ANKS1A: variants seen among roughly 807,000 people sequenced by gnomAD.
ANKS1A encodes ankyrin repeat and sterile alpha motif domain containing 1A, also known as ankyrin repeat and SAM domain-containing protein 1A.
ANKS1A carries 55 observed loss-of-function variants against 120.3 expected under a neutral mutation model. That is an observed-to-expected ratio of 0.46 (90% confidence interval 0.37 to 0.57). The LOEUF is 0.57. ANKS1A is among the 20% of genes least tolerant of loss of function. ANKS1A has a pLI of 0.00. For synonymous variants in ANKS1A, 590 were observed against 604.7 expected, an observed-to-expected ratio of 0.98 and a Z score of 0.36; for missense variants, 1,123 against 1,480.3, an observed-to-expected ratio of 0.76 and a Z score of 3.96.
At chr6:35,087,714 C>G (rs1778070029) in intron 23 of ANKS1A, among the ~76,000 whole-genome samples, 1 of 152,260 alleles carries the variant, frequency 6.6e-6, no homozygotes, top group African/African-American at 2.4e-5. Context: ...AGACTGCTTT[C>G]TGTGAGGGCC....
chr6:34,912,135 G>A (rs1429380480), intron 1 of ANKS1A, among the ~76,000 whole-genome samples: 1 of 152,226 alleles, frequency 6.6e-6, no homozygotes, highest in Non-Finnish European at 1.5e-5. Context: ...CTGACACCTT[G>A]AATGATTTGC....
Position 35,088,763 on chromosome 6 carries a change from A to G in ANKS1A, c.*154A>G. On this transcript the variant is annotated 3_prime_UTR_variant, in exon 24 of 24. Transcript: ENST00000360359. ...CTTGGCCACTTGGCCTGGGCCTGCC[A>G]CCACCACGTCCTGCAGAACGAGCCC... The G allele has an allele frequency of 1.3e-6, 2 of 1,565,820 alleles. No individual in the cohort carries two copies. The highest frequency in any genetic ancestry group is 2.3e-5 in the South Asian group (2 of 87,034).
At chr6:35,063,273 C>T (rs143935738) in intron 13 of ANKS1A, among the ~76,000 whole-genome samples, 1 of 152,346 alleles carries the variant, frequency 6.6e-6, no homozygotes, top group African/African-American at 2.4e-5. Flanking sequence ...ATTTTCACCA[C>T]AAATCTTATC....
chr6:34,940,347 A>G (rs1769462770), intron 1 of ANKS1A, among the ~76,000 whole-genome samples: 1 of 152,220 alleles, frequency 6.6e-6, no homozygotes. Flanking sequence ...TGAAAAATGT[A>G]CTTAACCAAT....
At chr6:34,919,510 C>T (rs1768330391) in intron 1 of ANKS1A, among the ~76,000 whole-genome samples, 2 of 152,288 alleles carry the variant, frequency 1.3e-5, no homozygotes, top group Admixed American at 6.5e-5. Flanking sequence ...TGCATCTAGA[C>T]CTCTACACAT....
chr6:35,087,735 G>A (rs1203064387), intron 23 of ANKS1A, among the ~76,000 whole-genome samples: 2 of 152,346 alleles, frequency 1.3e-5, no homozygotes, highest in South Asian at 4.1e-4. Context: ...CAAGATATGC[G>A]CCAGGCCCTT....
At chr6:35,033,351 G>A (rs1291510284) in intron 11 of ANKS1A, among the ~76,000 whole-genome samples, 1 of 152,200 alleles carries the variant, frequency 6.6e-6, no homozygotes, top group Non-Finnish European at 1.5e-5. Flanking sequence ...TGTGCTTACA[G>A]CCATTACGGG....
chr6:35,008,076 A>G (rs941850763), intron 10 of ANKS1A, among the ~76,000 whole-genome samples: 1 of 152,242 alleles, frequency 6.6e-6, no homozygotes, highest in African/African-American at 2.4e-5. Flanking sequence ...TGTTCGATCT[A>G]TCATCTTTAC....
chr6:35,066,104 C>T (rs955202047), intron 13 of ANKS1A, among the ~76,000 whole-genome samples: 5 of 152,286 alleles, frequency 3.3e-5, no homozygotes, highest in South Asian at 2.1e-4. Context: ...CCCTGTTCGT[C>T]GTCTGTCACG....
At chr6:35,042,288 A>G (rs1197340956) in intron 11 of ANKS1A, among the ~76,000 whole-genome samples, 2 of 152,210 alleles carry the variant, frequency 1.3e-5, no homozygotes, top group Non-Finnish European at 2.9e-5. Flanking sequence ...GAGGAATTTC[A>G]GGTGGGAAGA....
chr6:35,047,207 A>G (rs770053610), intron 11 of ANKS1A, among the ~76,000 whole-genome samples: 1 of 152,098 alleles, frequency 6.6e-6, no homozygotes, highest in Non-Finnish European at 1.5e-5. Flanking sequence ...GTATTTTTAA[A>G]CCTTAAGTAT....
chr6:34,944,730 A>G (rs1769701486), intron 1 of ANKS1A, among the ~76,000 whole-genome samples: 1 of 152,172 alleles, frequency 6.6e-6, no homozygotes, highest in Non-Finnish European at 1.5e-5. Flanking sequence ...TCCATCTGCA[A>G]ATACGGTTTC....
At chr6:35,023,623 GA>G in intron 11 of ANKS1A, 2 of 485,698 alleles carry the variant, frequency 4.1e-6, no homozygotes, top group South Asian at 1.6e-5. Flanking sequence ...ATGCCTCCAG[GA>G]AAATCTCAGG....
rs776443079 is a variant in ANKS1A at position 34,889,525 on chromosome 6, GGGCGGCGGCGGCGGCAGCGGCGGC to G, written c.136_159del (p.Gly46_Gly53del). On this transcript the variant is annotated inframe_deletion, in exon 1 of 24. Coordinates refer to ENST00000360359, the MANE Select transcript of ANKS1A (RefSeq NM_015245.3). The surrounding 1 kb of genome is among the most constrained non-coding windows in gnomAD (Gnocchi z 5.5). Reference sequence around the variant, plus strand: ...GGGGCGGCGGCGGCGGTGGCTCTGGGGGCGGCGGCGGCGGCAGCGGCGGCGGCGGCGGCGGCCTCGGCTCTTCCA... The same window carrying G: ...GGGGCGGCGGCGGCGGTGGCTCTGGGGGCGGCGGCGGCCTCGGCTCTTCCA... The G allele has an allele frequency of 1.2e-5, 15 of 1,272,164 alleles. No homozygotes were observed. The African/African-American group carries it at 1.2e-4, about 11-fold the overall frequency. 78.8% of individuals were successfully genotyped at this position (1,272,164 alleles called of 1,614,324 possible).
At chr6:34,976,548 C>T (rs1771596892) in intron 3 of ANKS1A, among the ~76,000 whole-genome samples, 1 of 151,976 alleles carries the variant, frequency 6.6e-6, no homozygotes, top group Non-Finnish European at 1.5e-5. Context: ...ATTTCACAGT[C>T]TTAGAACTGA....
chr6:35,007,549 A>T (rs1329225825), intron 10 of ANKS1A, among the ~76,000 whole-genome samples: 1 of 152,196 alleles, frequency 6.6e-6, no homozygotes, highest in African/African-American at 2.4e-5. Flanking sequence ...TGTTCTGGAC[A>T]TATTACCACT....
intron 1 of ANKS1A, among the ~76,000 whole-genome samples, chr6:34,957,133 T>C (rs1479176404): frequency 6.6e-6 from 1 of 152,228 alleles, no homozygotes; most frequent in East Asian, 1.9e-4. Flanking sequence ...AGTTATCTTC[T>C]CCTGTTCCTT....
At chr6:35,083,769 G>A (rs1777813101) in intron 20 of ANKS1A, among the ~76,000 whole-genome samples, 1 of 152,142 alleles carries the variant, frequency 6.6e-6, no homozygotes, top group African/African-American at 2.4e-5. Context: ...CTGCTCACAG[G>A]TGTGATTCCC....
rs1289356574 is a variant in ANKS1A at position 35,050,623 on chromosome 6, T to C, written c.2011-3476T>C. On this transcript the variant is annotated intron_variant, in intron 11 of 23. Transcript: ENST00000360359. The surrounding 1 kb of genome is among the most constrained non-coding windows in gnomAD (Gnocchi z 4.3). The stretch of plus-strand genomic sequence containing the variant: ...TGTAGATTGAAATGATCTTATTTCC[T>C]CTCTGCTGGTTCTGGGCATGAGGGT... Among the ~76,000 whole-genome samples the C allele has an allele frequency of 3.3e-5, 5 of 150,840 alleles. No individual in the cohort carries two copies. The highest frequency in any genetic ancestry group is 5.9e-5 in the Non-Finnish European group (4 of 67,590).
Sources: gnomAD v4.1 joint callset for allele counts (sites outside exome capture counted in the v4.1 genomes callset) on GRCh38, gnomAD v4.1.1 for gene constraint, Gnocchi (gnomAD v3.1) non-coding constraint, MANE v1.5 for transcripts, NCBI Gene and HGNC (gene_info 2026-07-23, HGNC 2026-07-21) for gene names.